The following PLEKHS1 variants were observed in gnomAD, a reference collection of about 807,000 sequenced individuals.
The protein encoded by PLEKHS1 is pleckstrin homology domain-containing family S member 1.
In PLEKHS1, 55 loss-of-function variants were observed where a neutral mutation model predicts 51.0. The ratio of observed to expected loss-of-function variants is 1.08; its 90% confidence interval spans 0.87 to 1.35. PLEKHS1 has a LOEUF of 1.35. Ranked by LOEUF, PLEKHS1 falls within the 40% of genes most tolerant of loss-of-function variation. The probability of loss-of-function intolerance (pLI) is 0.00; values close to 1 mark genes in which losing one functional copy is unlikely to be tolerated. For missense variants in PLEKHS1, 398 were observed against 423.0 expected (o/e 0.94, Z 0.52); for synonymous variants, 153 against 144.8 (o/e 1.06, Z -0.41).
At chr10:113,768,917 C>G (rs1318214422) in intron 6 of PLEKHS1, 27 bp downstream of exon 6, 2 of 1,559,168 alleles carry the variant, frequency 1.3e-6, no homozygotes, top group South Asian at 1.2e-5. Context: ...AATAAAATAA[C>G]AGGGCACCTG....
At position 113,765,429 on chromosome 10, in the gene PLEKHS1, T is replaced by C. The variant is rs1483463055; in HGVS notation, c.29-982T>C. ...TTTCTGAATCTCTGATGTATTTTAA[T>C]GGTTCTTTCTCTGGCCTCAGGTAGT... is the stretch of plus-strand genomic sequence containing the variant. On this transcript the variant is annotated intron_variant, in intron 2 of 11. Transcript: ENST00000361048. 9.0e-6 allele frequency: 7 copies of C among 778,762 alleles called. No homozygotes were observed. The African/African-American group carries it at 1.2e-4, about 13-fold the overall frequency. 48.2% of individuals were successfully genotyped at this position (778,762 alleles called of 1,614,324 possible). A position where few individuals can be genotyped will look rare whatever the true frequency, so the allele number is the denominator to read the frequency against.
chr10:113,765,273 G>T lies in PLEKHS1; in HGVS notation c.29-1138G>T, dbSNP rs565137156. On this transcript the variant is annotated intron_variant, in intron 2 of 11. Coordinates refer to ENST00000361048, the Ensembl canonical transcript of PLEKHS1. ...ATTTTTTAGGTGGGTTTGGAGCAGT[G>T]CTCAGTGTAGAACTAGTAATTAGTG... is the stretch of plus-strand genomic sequence containing the variant. The T allele has an allele frequency of 1.9e-4, 132 of 711,766 alleles. 2 individuals are homozygous for T. Among genetic ancestry groups the T allele is most frequent in the South Asian group, 7.6e-4 (48 of 63,046 alleles). 44.1% of individuals were successfully genotyped at this position (711,766 alleles called of 1,614,324 possible). A position where few individuals can be genotyped will look rare whatever the true frequency, so the allele number is the denominator to read the frequency against.
At chr10:113,774,750 T>G in intron 9 of PLEKHS1, 76 bp from the exon 10 acceptor site, 1 of 1,378,068 alleles carries the variant, frequency 7.3e-7, no homozygotes, top group Non-Finnish European at 1.0e-6. Context: ...GTTAGCTACT[T>G]AAATCTGACA....
At chr10:113,755,567 C>A (rs1854072044) in intron 2 of PLEKHS1, among the ~76,000 whole-genome samples, 1 of 151,974 alleles carries the variant, frequency 6.6e-6, no homozygotes, top group African/African-American at 2.4e-5. Flanking sequence ...ACCATGCCTG[C>A]CTAATTTTCG....
chr10:113,774,284 G>T (rs1593039669), exon 9 of PLEKHS1: 2 of 1,594,822 alleles, frequency 1.3e-6, no homozygotes, highest in South Asian at 1.2e-5. Flanking sequence ...TGATGGTCCA[G>T]ACCAGGTCTC....
chr10:113,760,118 C>G (rs1243793333), intron 2 of PLEKHS1, among the ~76,000 whole-genome samples: 1 of 152,170 alleles, frequency 6.6e-6, no homozygotes, highest in Non-Finnish European at 1.5e-5. Context: ...AGTATGAACA[C>G]TTTCTGTCTG....
chr10:113,776,095 G>T (rs929883012), intron 11 of PLEKHS1, among the ~76,000 whole-genome samples: 1 of 152,176 alleles, frequency 6.6e-6, no homozygotes, highest in Non-Finnish European at 1.5e-5. Flanking sequence ...GGACCCAAAA[G>T]TTCAGGAAGC....
chr10:113,779,734 T>C lies in PLEKHS1; in HGVS notation c.*-868T>C, dbSNP rs142270378. Among the ~76,000 whole-genome samples the C allele has an allele frequency of 2.2e-4, 33 of 152,342 alleles. 2 individuals carry two copies. In the East Asian group the frequency reaches 6.2e-3, roughly 28 times the overall value. The stretch of plus-strand genomic sequence containing the variant: ...TGTGAGCAGATCCAGGAACTGTACC[T>C]GGGTGTTGCTGACTGCAGTTTATCC... On this transcript the variant is annotated intron_variant, in intron 11 of 11. Transcript: ENST00000361048.
intron 1 of PLEKHS1, 97 bp from the exon 2 acceptor site, chr10:113,755,162 G>C: frequency 2.2e-6 from 3 of 1,354,214 alleles, no homozygotes; most frequent in Non-Finnish European, 3.0e-6. Context: ...AGCAACATTC[G>C]TGAGCACAAT....
chr10:113,769,890 T>C (rs1368419831), exon 7 of PLEKHS1: 3 of 1,612,220 alleles, frequency 1.9e-6, no homozygotes, highest in Non-Finnish European at 2.5e-6. Context: ...AGAAATGGTC[T>C]CCAAGACAAG....
At chr10:113,782,055 C>T (rs1293207342) in exon 12 of PLEKHS1, 1 of 152,138 alleles carries the variant, frequency 6.6e-6, no homozygotes, top group Admixed American at 6.6e-5. Flanking sequence ...ACTAATTGAT[C>T]CTGGAAGGCC....
chr10:113,754,685 C>T (rs562155314), intron 1 of PLEKHS1, among the ~76,000 whole-genome samples: 1 of 152,244 alleles, frequency 6.6e-6, no homozygotes, highest in Admixed American at 6.5e-5. Context: ...GGGGTTTCAC[C>T]ATGTTGGTCA....
rs1844873594 is a variant in PLEKHS1 at position 113,781,625 on chromosome 10, CTTCCCAAACACCTCT to C, written c.*1038_*1052del. 4 of 111,470 alleles carry C rather than the reference CTTCCCAAACACCTCT, an allele frequency of 3.6e-5. No homozygotes were observed. In the East Asian group the frequency reaches 9.1e-4, roughly 25 times the overall value. The allele number at this position is 111,470 out of a possible 1,614,324, so 6.9% of individuals were successfully genotyped here. A position where few individuals can be genotyped will look rare whatever the true frequency, so the allele number is the denominator to read the frequency against. On this transcript the variant is annotated 3_prime_UTR_variant, in exon 12 of 12. Coordinates refer to ENST00000361048, the Ensembl canonical transcript of PLEKHS1. ...CCAACACCTCCTTCCCCAACACCTC[CTTCCCAAACACCTCT>C]TTCCCAAACACCTCCTTCCCAGACA... is the stretch of plus-strand genomic sequence containing the variant.
chr10:113,774,527 C>T (rs1241051865), intron 9 of PLEKHS1, among the ~76,000 whole-genome samples, 194 bp downstream of exon 9: 6 of 152,200 alleles, frequency 3.9e-5, no homozygotes, highest in Non-Finnish European at 5.9e-5. Flanking sequence ...CCACCGATGA[C>T]ATCCTCAGGA....
intron 6 of PLEKHS1, 85 bp from the exon 7 acceptor site, chr10:113,769,699 A>C (rs1049387462): frequency 2.9e-5 from 24 of 818,894 alleles, no homozygotes; most frequent in Middle Eastern, 6.6e-4. Flanking sequence ...AAAAGACAGG[A>C]GGCAAGGAGC....
intron 2 of PLEKHS1, among the ~76,000 whole-genome samples, chr10:113,755,693 C>G (rs1378252246): frequency 3.9e-5 from 6 of 152,208 alleles, no homozygotes. Flanking sequence ...GCATAAGCCA[C>G]CATGTACAGC....
chr10:113,771,888 A>G, intron 7 of PLEKHS1, 82 bp from the exon 8 acceptor site: 1 of 1,500,656 alleles, frequency 6.7e-7, no homozygotes. Context: ...CAACTAATTT[A>G]TTACGGCTTT....
At chr10:113,780,870 C>T (rs1465391187) in exon 12 of PLEKHS1, 11 of 1,203,190 alleles carry the variant, frequency 9.1e-6, no homozygotes, top group Middle Eastern at 2.8e-4. Flanking sequence ...AGGAGACAGT[C>T]GGCACCCCCC....
At chr10:113,777,077 GC>G (rs1844702687) in intron 11 of PLEKHS1, 46 bp from the exon 12 acceptor site, 1 of 1,603,530 alleles carries the variant, frequency 6.2e-7, no homozygotes, top group Non-Finnish European at 8.5e-7. Context: ...TGCCCTCCTG[GC>G]CAGCTGAGCC....
Sources: allele counts gnomAD v4.1 joint callset (sites outside exome capture counted in the v4.1 genomes callset), GRCh38; gene constraint gnomAD v4.1.1; transcripts MANE v1.5; gene names NCBI Gene and HGNC (gene_info 2026-07-23, HGNC 2026-07-21).